The following GTF2IRD1 variants were observed in gnomAD, a reference collection of about 807,000 sequenced individuals.
GTF2IRD1 encodes general transcription factor II-I repeat domain-containing protein 1.
In GTF2IRD1, 26 loss-of-function variants were observed where a neutral mutation model predicts 113.2. The ratio of observed to expected loss-of-function variants is 0.23; its 90% CI spans 0.17 to 0.32. The LOEUF (loss-of-function observed/expected upper bound fraction) is 0.32, where lower values mean the gene tolerates loss of function less well. Among genes scored for constraint, GTF2IRD1 ranks in the 10% least tolerant of loss-of-function variants. GTF2IRD1 has a pLI of 1.00. For synonymous variants in GTF2IRD1, 484 were observed against 529.1 expected (o/e 0.91, Z 1.17); for missense variants, 864 against 1,280.8 (o/e 0.67, Z 4.97).
intron 22 of GTF2IRD1, among the ~76,000 whole-genome samples, chr7:74,576,596 G>A (rs1204373157): frequency 6.9e-6 from 1 of 145,268 alleles, no homozygotes; most frequent in Non-Finnish European, 1.5e-5. Context: ...GGAGGCTCTA[G>A]GGGAAAATCT....
At chr7:74,589,825 C>T in intron 22 of GTF2IRD1, 26 bp from the exon 23 acceptor site, 2 of 1,508,246 alleles carry the variant, frequency 1.3e-6, no homozygotes, top group Non-Finnish European at 1.8e-6. Context: ...TGCCAACTCT[C>T]ATGCCCCCTT....
chr7:74,553,611 T>A (rs1282265035), intron 17 of GTF2IRD1, among the ~76,000 whole-genome samples: 1 of 152,196 alleles, frequency 6.6e-6, no homozygotes, highest in Non-Finnish European at 1.5e-5. Flanking sequence ...AAAGTCACGA[T>A]GGCTTTCTCC....
At chr7:74,460,495 C>T (rs1290680061) in intron 1 of GTF2IRD1, among the ~76,000 whole-genome samples, 1 of 152,050 alleles carries the variant, frequency 6.6e-6, no homozygotes, top group Non-Finnish European at 1.5e-5. Context: ...GATCCTCCCA[C>T]CTCAGCTTCC....
intron 1 of GTF2IRD1, among the ~76,000 whole-genome samples, chr7:74,478,877 C>T (rs1178688856): frequency 1.1e-4 from 16 of 151,260 alleles, no homozygotes; most frequent in African/African-American, 3.4e-4. Context: ...TCTGGAGTAG[C>T]TGGGACTACA....
At chr7:74,561,590 G>A (rs1346167768) in intron 22 of GTF2IRD1, among the ~76,000 whole-genome samples, 1 of 151,852 alleles carries the variant, frequency 6.6e-6, no homozygotes, top group African/African-American at 2.4e-5. Flanking sequence ...TGTTTCCGGA[G>A]CTCTCGGAGG....
chr7:74,522,834 ATAT>A lies in GTF2IRD1; in HGVS notation c.1007-1230_1007-1228del, dbSNP rs1584593999. ...AACTTGTCATAAGGAATTAAATAGG[ATAT>A]TATTATATATATAAAGTACTTAGCA... On this transcript the variant is annotated intron_variant, in intron 7 of 26. Transcript: ENST00000424337. Among the ~76,000 whole-genome samples, 3 of 152,356 alleles carry A rather than the reference ATAT, an allele frequency of 2.0e-5. No individual in the cohort carries two copies. The South Asian group carries it at 6.2e-4, about 32-fold the overall frequency.
intron 8 of GTF2IRD1, among the ~76,000 whole-genome samples, chr7:74,528,408 G>T (rs887008945): frequency 1.3e-5 from 2 of 152,040 alleles, no homozygotes; most frequent in African/African-American, 4.8e-5. Flanking sequence ...TTACTGTGTT[G>T]CCCAGGCTGG....
intron 3 of GTF2IRD1, among the ~76,000 whole-genome samples, chr7:74,514,664 C>T (rs1796821855): frequency 6.6e-6 from 1 of 151,982 alleles, no homozygotes; most frequent in Non-Finnish European, 1.5e-5. Flanking sequence ...TTGCAACCCA[C>T]GGCCTCCTTG....
chr7:74,568,839 G>T (rs1490801478), intron 22 of GTF2IRD1, among the ~76,000 whole-genome samples: 1 of 152,098 alleles, frequency 6.6e-6, no homozygotes, highest in Non-Finnish European at 1.5e-5. Flanking sequence ...GGGAGGGCTG[G>T]AAGGAGGGAA....
chr7:74,525,807 A>AT (rs1165769734), intron 8 of GTF2IRD1, among the ~76,000 whole-genome samples: 6 of 152,224 alleles, frequency 3.9e-5, no homozygotes, highest in Admixed American at 2.6e-4. Flanking sequence ...GAAAAAAAAA[A>AT]GAAGGGAGGA....
chr7:74,587,163 G>C (rs1388060185), intron 22 of GTF2IRD1, among the ~76,000 whole-genome samples: 2 of 151,590 alleles, frequency 1.3e-5, no homozygotes, highest in African/African-American at 4.8e-5. Context: ...ACAGGAGTCA[G>C]GCTGGGCACA....
chr7:74,463,949 C>A (rs1242766700), intron 1 of GTF2IRD1, among the ~76,000 whole-genome samples: 1 of 151,946 alleles, frequency 6.6e-6, no homozygotes, highest in African/African-American at 2.4e-5. Flanking sequence ...GTTTCGAACT[C>A]CTGACCTCAA....
chr7:74,546,952 TG>T lies in GTF2IRD1; in HGVS notation c.1733-145del, dbSNP rs1583852387. 1.3e-5 allele frequency: 9 copies of T among 699,516 alleles called. No individual in the cohort carries two copies. In the East Asian group the frequency reaches 1.5e-4, roughly 12 times the overall value. 43.3% of individuals were successfully genotyped at this position (699,516 alleles called of 1,614,324 possible). On this transcript the variant is annotated intron_variant, in intron 16 of 26. Transcript: ENST00000424337. ...AACTCCAGGTTCCTTTCCTGCAGGC[TG>T]GGGGGCCACTCTTTCCACATCCCAG...
At chr7:74,476,153 C>T (rs907511259) in intron 1 of GTF2IRD1, among the ~76,000 whole-genome samples, 3 of 152,084 alleles carry the variant, frequency 2.0e-5, no homozygotes, top group Admixed American at 6.6e-5. Context: ...CAACTAATCC[C>T]GATGCTCTGG....
At chr7:74,574,863 C>T (rs369855710) in intron 22 of GTF2IRD1, among the ~76,000 whole-genome samples, 17 of 151,158 alleles carry the variant, frequency 1.1e-4, no homozygotes, top group African/African-American at 2.2e-4. Context: ...CTGAGGTGGG[C>T]GGATCACCTA....
At chr7:74,583,418 C>A (rs1474497472) in intron 22 of GTF2IRD1, among the ~76,000 whole-genome samples, 1 of 147,746 alleles carries the variant, frequency 6.8e-6, no homozygotes, top group Non-Finnish European at 1.5e-5. Context: ...CCATGTTGCC[C>A]AGGCTGGTTG....
intron 1 of GTF2IRD1, among the ~76,000 whole-genome samples, chr7:74,493,245 G>A (rs1795469291): frequency 6.6e-6 from 1 of 151,530 alleles, no homozygotes; most frequent in Non-Finnish European, 1.5e-5. Flanking sequence ...GAGTAACTGG[G>A]ACTATAGGCA....
At chr7:74,472,160 G>A (rs1794152129) in intron 1 of GTF2IRD1, among the ~76,000 whole-genome samples, 1 of 152,158 alleles carries the variant, frequency 6.6e-6, no homozygotes. Context: ...GTTCTAGTTG[G>A]TGCCACCATC....
intron 22 of GTF2IRD1, among the ~76,000 whole-genome samples, chr7:74,577,506 T>C (rs1554364906): frequency 1.3e-5 from 2 of 152,220 alleles, no homozygotes; most frequent in African/African-American, 4.8e-5. Context: ...AACACTGTTA[T>C]CTTACATACT....
Sources: gnomAD v4.1 joint callset for allele counts (sites outside exome capture counted in the v4.1 genomes callset) on GRCh38, gnomAD v4.1.1 for gene constraint, MANE v1.5 for transcripts, NCBI Gene and HGNC (gene_info 2026-07-23, HGNC 2026-07-21) for gene names.